Variants in MXRA8 observed in about 807,000 individuals in gnomAD.
The protein encoded by MXRA8 is matrix remodeling associated 8.
MXRA8 carries 44 observed loss-of-function variants against 51.4 expected under a neutral mutation model. The observed-to-expected ratio is 0.86, with a 90% CI of 0.67 to 1.10. The LOEUF (loss-of-function observed/expected upper bound fraction) is 1.10. Among genes scored for constraint, MXRA8 ranks in the 50% least tolerant of loss-of-function variants. The pLI is 0.00. For synonymous variants in MXRA8, 369 were observed against 293.5 expected (o/e 1.26, Z -2.63); for missense variants, 765 against 638.9 (o/e 1.20, Z -2.13).
At chr1:1,359,767 C>A (rs74045444), upstream of MXRA8, among the ~76,000 whole-genome samples, 1 of 152,196 alleles carries the variant, frequency 6.6e-6, no homozygotes, top group Non-Finnish European at 1.5e-5. Context: ...GGTCCTGGCC[C>A]GGGCGGCGAC....
chr1:1,360,969 C>G (rs1644214423), upstream of MXRA8, among the ~76,000 whole-genome samples: 1 of 118,972 alleles, frequency 8.4e-6, no homozygotes, highest in Admixed American at 9.9e-5. Flanking sequence ...CGGAGACACA[C>G]AGAGATACAC....
rs569223768 is a variant in MXRA8, at chr1:1,358,489, G to A, written c.16C>T (p.Arg6Ter). 1.2e-6 allele frequency: 2 copies of A among 1,613,218 alleles called. No individual in the cohort carries two copies. The highest frequency in any genetic ancestry group is 2.2e-5 in the East Asian group (1 of 44,774). The part of the protein sequence containing the change: MALPS[R>*]ILLWKLVLLQ... ...AGCACAAGTTTCCAAAGCAGGATTC[G>A]GGATGGCAGCGCCATGGCCCCCGCC... is the stretch of plus-strand genomic sequence containing the variant. Residue 6 changes from arginine to a stop codon, truncating the protein, a stop_gained, in exon 1 of 10, where the codon CGA (arginine) becomes TGA (stop). Transcript: ENST00000309212. LOFTEE classifies it high-confidence loss of function.
rs867566202 is a variant in MXRA8 at position 1,353,610 on chromosome 1, G to C, written c.1323C>G (p.Cys441Trp). 6.4e-7 allele frequency: 1 copy of C among 1,562,692 alleles called. No homozygotes were observed. Among genetic ancestry groups the C allele is most frequent in the African/African-American group, 1.3e-5 (1 of 74,172 alleles). ...CCAGGAGCCCAGGGCCTCCCTATTT[G>C]CAGTTCTCCTTCCGGAACCCTGGAA... ...DLDKGFRKEN[C>W]K The change falls in exon 10 of 10, where the codon TGC becomes TGG. Residue 441 changes from cysteine (C) to tryptophan (W), a missense_variant. Coordinates refer to ENST00000309212, the MANE Select transcript of MXRA8 (RefSeq NM_032348.4).
upstream of MXRA8, chr1:1,361,591 G>A (rs779009249): frequency 6.0e-5 from 27 of 450,838 alleles, no homozygotes; most frequent in Non-Finnish European, 8.3e-5. Flanking sequence ...GGGACCCTGT[G>A]TGTGTGGTAG....
At chr1:1,358,819 G>A (rs760111559), upstream of MXRA8, 1 of 1,155,048 alleles carries the variant, frequency 8.7e-7, no homozygotes, top group African/African-American at 1.6e-5. Context: ...ACGTGATCGT[G>A]TCTCACGTCT....
chr1:1,354,208 G>A lies in MXRA8; in HGVS notation c.1130C>T (p.Ser377Leu). 1 of 1,612,628 alleles carries A rather than the reference G, an allele frequency of 6.2e-7. No homozygotes were observed. Among genetic ancestry groups the A allele is most frequent in the Non-Finnish European group, 8.5e-7 (1 of 1,179,954 alleles). Residue 377 changes from serine (S) to leucine (L), a missense_variant, in exon 7 of 10, where the codon TCG becomes TTG. Ser to Leu is a moderately radical substitution (Grantham distance 145, BLOSUM62 -2). Transcript: ENST00000309212. ...RGGYEYSDQK[S>L]GKSKGKDVNL... ...GGGCACTCACCCCTTTGACTTTCCC[G>A]ACTTCTGGTCCGAGTATTCGTAGCC...
rs969894861 is a variant in MXRA8, at chr1:1,355,048, C to T, written c.583G>A (p.Asp195Asn). The T allele has an allele frequency of 6.2e-7, 1 of 1,605,950 alleles. No homozygotes were observed. The highest frequency in any genetic ancestry group is 8.5e-7 in the Non-Finnish European group (1 of 1,177,642). ...TGTTGAGCCTCCTCCACGTGCCGGT[C>T]GGTCCACACGTGCCCGCGGTTCACG... is the stretch of plus-strand genomic sequence containing the variant. The part of the protein sequence containing the change: ...TCVNRGHVWT[D>N]RHVEEAQQVV... The change falls in exon 5 of 10, where the codon GAC (aspartate) becomes AAC (asparagine). Residue 195 changes from aspartate (D) to asparagine (N), a missense_variant. Coordinates refer to ENST00000309212, the MANE Select transcript of MXRA8 (RefSeq NM_032348.4).
upstream of MXRA8, among the ~76,000 whole-genome samples, chr1:1,363,062 A>G (rs930812413): frequency 3.3e-5 from 5 of 150,354 alleles, no homozygotes; most frequent in African/African-American, 1.2e-4. Flanking sequence ...CAGCCTGGTG[A>G]TAGGGCGAGA....
chr1:1,354,953 G>A lies in MXRA8; in HGVS notation c.678C>T (p.Tyr226=), dbSNP rs555489805. Residue 226 remains tyrosine, a synonymous_variant, in exon 5 of 10, where the codon TAC becomes TAT. Transcript: ENST00000309212. ...HDRADRLLDL[Y]ASGERRAYGP... The stretch of plus-strand genomic sequence containing the variant: ...CGTAGGCGCGGCGCTCGCCCGACGC[G>A]TAGAGGTCCAGCAGGCGGTCCGCGC... The A allele has an allele frequency of 7.5e-6, 12 of 1,600,644 alleles. No homozygotes were observed. Among genetic ancestry groups the A allele is most frequent in the Admixed American group, 3.4e-5 (2 of 58,358 alleles).
upstream of MXRA8, chr1:1,359,426 CCTT>C (rs1161089881): frequency 7.1e-6 from 7 of 985,354 alleles, no homozygotes; most frequent in Admixed American, 6.1e-5. Flanking sequence ...AAACCCAACT[CCTT>C]CTAATCAAGC....
At chr1:1,355,936 T>A (rs1227985038) in intron 2 of MXRA8, among the ~76,000 whole-genome samples, 184 bp from the exon 3 acceptor site, 1 of 32,840 alleles carries the variant, frequency 3.0e-5, no homozygotes. Flanking sequence ...AGGGCCTGGA[T>A]AGGGGAGGGG....
intron 1 of MXRA8, among the ~76,000 whole-genome samples, chr1:1,358,095 G>C (rs1644167205): frequency 1.3e-5 from 2 of 152,144 alleles, no homozygotes; most frequent in South Asian, 4.1e-4. Context: ...CTGGGAGCGG[G>C]GGCTGGAACA....
chr1:1,357,771 C>T (rs1644161136), intron 1 of MXRA8, among the ~76,000 whole-genome samples: 1 of 152,192 alleles, frequency 6.6e-6, no homozygotes, highest in African/African-American at 2.4e-5. Flanking sequence ...GATCACGCCA[C>T]TGCACTGCAG....
At chr1:1,360,030 C>T (rs1443516560), upstream of MXRA8, among the ~76,000 whole-genome samples, 14 of 152,234 alleles carry the variant, frequency 9.2e-5, no homozygotes, top group Admixed American at 9.2e-4. Flanking sequence ...CCCTCTCTCC[C>T]CATGGAGGGA....
At chr1:1,353,693 A>G in intron 9 of MXRA8, 64 bp from the exon 10 acceptor site, 2 of 1,514,962 alleles carry the variant, frequency 1.3e-6, no homozygotes, top group Non-Finnish European at 1.8e-6. Context: ...TGGGAGACAC[A>G]GGGCAGACCC....
chr1:1,354,719 C>T lies in MXRA8; in HGVS notation c.912G>A (p.Pro304=), dbSNP rs1225101670. 1.2e-5 allele frequency: 20 copies of T among 1,601,990 alleles called. No individual in the cohort carries two copies. Among genetic ancestry groups the T allele is most frequent in the South Asian group, 1.1e-5 (1 of 90,016 alleles). The part of the protein sequence containing the change: ...PHAEPPPRGS[P]GNGSSHSGAP... ...CGCCGCTGTGGCTGGAGCCGTTGCCCGGAGAGCCCCGGGGGGGCGGCTCCG... is the reference window on the plus strand; with the variant it reads ...CGCCGCTGTGGCTGGAGCCGTTGCCTGGAGAGCCCCGGGGGGGCGGCTCCG... The change falls in exon 5 of 10, where the codon CCG becomes CCA. Residue 304 remains proline, a synonymous_variant. Coordinates refer to ENST00000309212, the MANE Select transcript of MXRA8 (RefSeq NM_032348.4).
upstream of MXRA8, chr1:1,361,134 G>T: frequency 1.4e-6 from 1 of 699,028 alleles, no homozygotes; most frequent in South Asian, 1.5e-5. Flanking sequence ...AAGACACACG[G>T]ACACACAGAG....
In MXRA8 at chr1:1,353,218, T is replaced by G. The variant is rs1183257806; in HGVS notation, c.*386A>C. The G allele has an allele frequency of 1.5e-6, 2 of 1,318,834 alleles. No homozygotes were observed. The highest frequency in any genetic ancestry group is 2.1e-6 in the Non-Finnish European group (2 of 936,968). The allele number at this position is 1,318,834 out of a possible 1,614,324, so 81.7% of individuals were successfully genotyped here. On this transcript the variant is annotated 3_prime_UTR_variant, in exon 10 of 10. Transcript: ENST00000309212. Reference sequence around the variant, plus strand: ...TCCCAGCCCCCGACGAGCAGAGCCCTGGAGGAGTGGGACTCCTGCCCTGAG... The same window carrying G: ...TCCCAGCCCCCGACGAGCAGAGCCCGGGAGGAGTGGGACTCCTGCCCTGAG...
In MXRA8 at chr1:1,355,711, C is replaced by G. The variant is rs1644112023; in HGVS notation, c.115G>C (p.Glu39Gln). 7.5e-7 allele frequency: 1 copy of G among 1,325,840 alleles called. No individual in the cohort carries two copies. The highest frequency in any genetic ancestry group is 9.6e-7 in the Non-Finnish European group (1 of 1,043,850). 82.1% of individuals were successfully genotyped at this position (1,325,840 alleles called of 1,614,324 possible). ...PAAAGSSVVS[E>Q]SAVSWEAGAR... Reference sequence around the variant, plus strand: ...CCCGCCTCCCAGCTCACCGCGGACTCGGACACCACGGAGCTGCCAGCAGCG... The same window carrying G: ...CCCGCCTCCCAGCTCACCGCGGACTGGGACACCACGGAGCTGCCAGCAGCG... Residue 39 changes from glutamate (E) to glutamine (Q), a missense_variant, in exon 3 of 10, where the codon GAG becomes CAG. Coordinates refer to ENST00000309212, the MANE Select transcript of MXRA8 (RefSeq NM_032348.4).
Sources: gnomAD v4.1 joint callset for allele counts (sites outside exome capture counted in the v4.1 genomes callset) on GRCh38, gnomAD v4.1.1 for gene constraint, MANE v1.5 for transcripts, NCBI Gene and HGNC (gene_info 2026-07-23, HGNC 2026-07-21) for gene names.